Variants in MUC7 observed in about 807,000 individuals in gnomAD.
MUC7 encodes the protein mucin 7, secreted.
MUC7 carries 2 observed loss-of-function variants against 2.5 expected under a neutral mutation model. The ratio of observed to expected loss-of-function variants is 0.81; its 90% CI spans 0.33 to 2.55. The LOEUF is 2.55. Among genes scored for constraint, MUC7 ranks in the 30% most tolerant of loss-of-function variants. The pLI is 0.11. For missense variants in MUC7, 408 were observed against 455.6 expected (o/e 0.90, Z 0.95); for synonymous variants, 133 against 173.4 (o/e 0.77, Z 1.83).
chr4:70,436,252 T>G (rs1190564090), intron 1 of MUC7, among the ~76,000 whole-genome samples: 1 of 152,214 alleles, frequency 6.6e-6, no homozygotes, highest in African/African-American at 2.4e-5. Context: ...TTGGCCTGCC[T>G]GCTAGGTTGG....
At chr4:70,466,752 A>C (rs1734694953) in intron 1 of MUC7, among the ~76,000 whole-genome samples, 1 of 152,230 alleles carries the variant, frequency 6.6e-6, no homozygotes, top group Non-Finnish European at 1.5e-5. Flanking sequence ...ATCCAGATTC[A>C]TAAAGCAAGT....
intron 1 of MUC7, among the ~76,000 whole-genome samples, chr4:70,460,565 C>T (rs962151502): frequency 1.3e-5 from 2 of 151,394 alleles, no homozygotes; most frequent in Non-Finnish European, 2.9e-5. Context: ...GGGGTCACTT[C>T]TTACAGCCCC....
At chr4:70,439,112 G>A (rs1193264806) in intron 1 of MUC7, among the ~76,000 whole-genome samples, 1 of 152,166 alleles carries the variant, frequency 6.6e-6, no homozygotes, top group Non-Finnish European at 1.5e-5. Flanking sequence ...TGAAATGATA[G>A]AGATTAAAAA....
At chr4:70,439,200 C>T (rs934322159) in intron 1 of MUC7, among the ~76,000 whole-genome samples, 3 of 152,130 alleles carry the variant, frequency 2.0e-5, no homozygotes, top group African/African-American at 7.2e-5. Flanking sequence ...GAAAAAATAA[C>T]AGCCAAGTGA....
intron 1 of MUC7, among the ~76,000 whole-genome samples, chr4:70,453,873 G>C (rs1226559707): frequency 6.6e-6 from 1 of 152,056 alleles, no homozygotes; most frequent in African/African-American, 2.4e-5. Context: ...ATCCTGCTAG[G>C]ACTTCTTCCT....
At chr4:70,462,547 A>G (rs1005914601) in intron 1 of MUC7, among the ~76,000 whole-genome samples, 6 of 152,246 alleles carry the variant, frequency 3.9e-5, no homozygotes, top group East Asian at 1.9e-4. Context: ...TACATTTAAG[A>G]TATTAGAACT....
chr4:70,460,139 A>G (rs1734518969), intron 1 of MUC7, among the ~76,000 whole-genome samples: 1 of 152,186 alleles, frequency 6.6e-6, no homozygotes, highest in African/African-American at 2.4e-5. Context: ...GCTGCTTTAG[A>G]AGACAATATT....
At chr4:70,476,484 G>A (rs1256368032) in intron 2 of MUC7, among the ~76,000 whole-genome samples, 2 of 152,170 alleles carry the variant, frequency 1.3e-5, no homozygotes, top group African/African-American at 2.4e-5. Flanking sequence ...AAAAGTGCCT[G>A]GTGAGAGAAA....
At chr4:70,468,376 T>A (rs1734735197), upstream of MUC7, among the ~76,000 whole-genome samples, 1 of 152,108 alleles carries the variant, frequency 6.6e-6, no homozygotes, top group South Asian at 2.1e-4. Context: ...CTCTCACCAC[T>A]CCTGTTCAAC....
At chr4:70,438,456 T>TTTTGGTTTGGTTTGG (rs757547379) in intron 1 of MUC7, among the ~76,000 whole-genome samples, 2 of 151,350 alleles carry the variant, frequency 1.3e-5, no homozygotes, top group South Asian at 2.1e-4. Context: ...TTTTGTTTTG[T>TTTTGGTTTGGTTTGG]TTTGGTTTGG....
At chr4:70,450,249 G>A (rs943928140) in intron 1 of MUC7, among the ~76,000 whole-genome samples, 14 of 152,170 alleles carry the variant, frequency 9.2e-5, no homozygotes, top group East Asian at 1.9e-4. Context: ...AGGCACAAGG[G>A]GTACTGACAG....
intron 2 of MUC7, among the ~76,000 whole-genome samples, chr4:70,480,305 T>A (rs1360027452): frequency 6.6e-6 from 1 of 152,162 alleles, no homozygotes; most frequent in Non-Finnish European, 1.5e-5. Flanking sequence ...GGGTGGGATA[T>A]TTTGTTTGTT....
In MUC7 at chr4:70,480,859, C is replaced by G; in HGVS notation, c.115C>G (p.Pro39Ala). The change falls in exon 3 of 3, where the codon CCC becomes GCC. Residue 39 changes from proline to alanine, a missense_variant. By Grantham distance (27) the Pro-to-Ala change is conservative. Coordinates refer to ENST00000304887, the MANE Select transcript of MUC7 (RefSeq NM_152291.3). ...LRHRRHHHQSPKSHFELPHYP... is the reference protein window; with the variant it reads ...LRHRRHHHQSAKSHFELPHYP... ...TCACAGAAGGCATCATCACCAATCA[C>G]CCAAATCTCACTTTGAATTACCACA... 4 of 1,614,126 alleles carry G rather than the reference C, an allele frequency of 2.5e-6. No homozygotes were observed. The highest frequency in any genetic ancestry group is 3.4e-6 in the Non-Finnish European group (4 of 1,179,998).
intron 1 of MUC7, among the ~76,000 whole-genome samples, chr4:70,473,160 C>T (rs941916434): frequency 6.6e-5 from 10 of 152,124 alleles, no homozygotes; most frequent in Non-Finnish European, 1.2e-4. Context: ...ATCGGCCAGA[C>T]ACGGTGGCTC....
intron 1 of MUC7, among the ~76,000 whole-genome samples, chr4:70,458,825 CAA>C (rs1445714953): frequency 6.6e-6 from 1 of 151,428 alleles, no homozygotes; most frequent in Non-Finnish European, 1.5e-5. Context: ...GAAAAACAGA[CAA>C]AGTTATTAAC....
chr4:70,443,952 C>A (rs1176609267), intron 1 of MUC7, among the ~76,000 whole-genome samples: 1 of 152,184 alleles, frequency 6.6e-6, no homozygotes, highest in Admixed American at 6.5e-5. Context: ...TAATCCAGTT[C>A]TTTCTTGTAA....
chr4:70,438,534 G>A (rs1374226995), intron 1 of MUC7, among the ~76,000 whole-genome samples: 1 of 152,074 alleles, frequency 6.6e-6, no homozygotes, highest in African/African-American at 2.4e-5. Context: ...TCGGCTCACT[G>A]CAACCTCTGC....
chr4:70,439,781 G>T (rs1733956193), intron 1 of MUC7, among the ~76,000 whole-genome samples: 1 of 151,944 alleles, frequency 6.6e-6, no homozygotes, highest in South Asian at 2.1e-4. Context: ...AATGCATTTT[G>T]TTAATCACAC....
chr4:70,469,750 A>C (rs909703689), upstream of MUC7, among the ~76,000 whole-genome samples: 2 of 152,246 alleles, frequency 1.3e-5, no homozygotes, highest in Non-Finnish European at 2.9e-5. Context: ...TTAAAAAGTC[A>C]GGAAACAACA....
Sources: gnomAD v4.1 joint callset for allele counts (sites outside exome capture counted in the v4.1 genomes callset) on GRCh38, gnomAD v4.1.1 for gene constraint, MANE v1.5 for transcripts, NCBI Gene and HGNC (gene_info 2026-07-23, HGNC 2026-07-21) for gene names.